RAPGEF2: variants seen among roughly 807,000 people sequenced by gnomAD.
The protein encoded by RAPGEF2 is Rap guanine nucleotide exchange factor 2.
Under a neutral mutation model 186.7 loss-of-function variants are expected in RAPGEF2, and 54 were observed. The observed-to-expected ratio is 0.29, with a 90% confidence interval of 0.23 to 0.36. RAPGEF2 has a LOEUF of 0.36. Among genes scored for constraint, RAPGEF2 ranks in the 10% least tolerant of loss-of-function variants. The pLI is 1.00. For missense variants in RAPGEF2, 1,532 were observed against 2,045.0 expected (o/e 0.75, Z 4.84); for synonymous variants, 712 against 705.9 (o/e 1.01, Z -0.14).
chr4:159,335,092 G>C (rs1234372300), intron 17 of RAPGEF2, among the ~76,000 whole-genome samples: 1 of 151,960 alleles, frequency 6.6e-6, no homozygotes, highest in Admixed American at 6.6e-5. Context: ...CTAGCAATTA[G>C]AGAAGTCTAG....
intron 1 of RAPGEF2, among the ~76,000 whole-genome samples, chr4:159,163,005 C>T (rs1479886190): frequency 6.6e-6 from 1 of 152,122 alleles, no homozygotes; most frequent in Non-Finnish European, 1.5e-5. Context: ...CACTCCGAAA[C>T]ACCTGTTCCA....
chr4:159,130,973 A>G (rs890182966), intron 1 of RAPGEF2, among the ~76,000 whole-genome samples: 1 of 152,176 alleles, frequency 6.6e-6, no homozygotes, highest in Non-Finnish European at 1.5e-5. Context: ...CTGGGATTAC[A>G]GGCGCAGCCA....
intron 1 of RAPGEF2, among the ~76,000 whole-genome samples, chr4:159,110,655 C>T (rs1019180866): frequency 6.6e-5 from 10 of 152,140 alleles, no homozygotes; most frequent in East Asian, 1.9e-4. Context: ...ATGTGATTTC[C>T]AAGCATTTCA....
At chr4:159,200,143 C>T (rs1269174942) in intron 3 of RAPGEF2, among the ~76,000 whole-genome samples, 1 of 152,036 alleles carries the variant, frequency 6.6e-6, no homozygotes, top group Non-Finnish European at 1.5e-5. Context: ...GTGTTTCACT[C>T]CTTCCTTTCA....
At chr4:159,271,029 C>A (rs1758060386) in intron 7 of RAPGEF2, among the ~76,000 whole-genome samples, 2 of 152,238 alleles carry the variant, frequency 1.3e-5, no homozygotes, top group South Asian at 4.1e-4. Context: ...TCAAAAGACT[C>A]CTGTAGACCA....
intron 7 of RAPGEF2, among the ~76,000 whole-genome samples, chr4:159,264,152 C>T (rs898960313): frequency 1.3e-5 from 2 of 151,898 alleles, no homozygotes; most frequent in East Asian, 1.9e-4. Context: ...CAGTGTTTGG[C>T]GTATTATAAC....
At position 159,228,758 on chromosome 4, in the gene RAPGEF2, G is replaced by T. The variant is rs80163107; in HGVS notation, c.282-10051G>T. 2.7e-3 allele frequency among the ~76,000 whole-genome samples: 417 copies of T among 152,300 alleles called. 1 individual carries two copies. The highest frequency in any genetic ancestry group is 9.5e-3 in the African/African-American group (395 of 41,560). ...TTATATATGTACTTGGTGTATGTGT[G>T]TGTGTGATTTTTAACATAGCTGTTA... On this transcript the variant is annotated intron_variant, in intron 4 of 29. Transcript: ENST00000691494.
chr4:159,159,092 G>A (rs1744427468), intron 1 of RAPGEF2, among the ~76,000 whole-genome samples: 1 of 152,182 alleles, frequency 6.6e-6, no homozygotes, highest in Non-Finnish European at 1.5e-5. Flanking sequence ...GCAATAAGTA[G>A]CAAAGTTAGG....
At chr4:159,148,154 T>C (rs1349296032) in intron 1 of RAPGEF2, among the ~76,000 whole-genome samples, 1 of 152,198 alleles carries the variant, frequency 6.6e-6, no homozygotes, top group African/African-American at 2.4e-5. Context: ...TCAAAAATTA[T>C]TACTGTTGCT....
chr4:159,122,821 G>C (rs1370349288), intron 1 of RAPGEF2, among the ~76,000 whole-genome samples: 1 of 152,164 alleles, frequency 6.6e-6, no homozygotes, highest in Non-Finnish European at 1.5e-5. Flanking sequence ...AGTGCCACTG[G>C]TGATGCTGGA....
intron 4 of RAPGEF2, among the ~76,000 whole-genome samples, chr4:159,212,883 C>T (rs1750660894): frequency 6.6e-6 from 1 of 152,180 alleles, no homozygotes; most frequent in Non-Finnish European, 1.5e-5. Flanking sequence ...CAAGTAACAG[C>T]TTGTTCTAAC....
chr4:159,343,229 A>C (rs1729798630), intron 21 of RAPGEF2, 39 bp downstream of exon 21: 1 of 1,613,928 alleles, frequency 6.2e-7, no homozygotes, highest in African/African-American at 1.3e-5. Context: ...TTGCTTGAAG[A>C]AGCACAGAAT....
intron 1 of RAPGEF2, among the ~76,000 whole-genome samples, chr4:159,184,736 CTTTAG>C (rs1747384650): frequency 6.6e-6 from 1 of 152,148 alleles, no homozygotes; most frequent in Non-Finnish European, 1.5e-5. Context: ...TGCAGAAGCT[CTTTAG>C]TTTAATTAGA....
At chr4:159,217,191 AT>A (rs955775872) in intron 4 of RAPGEF2, among the ~76,000 whole-genome samples, 21 of 151,918 alleles carry the variant, frequency 1.4e-4, no homozygotes, top group Non-Finnish European at 2.9e-5. Context: ...TTGATTTTAG[AT>A]TTAGGGGGTA....
At chr4:159,285,450 T>C (rs1760331179) in intron 7 of RAPGEF2, among the ~76,000 whole-genome samples, 1 of 152,204 alleles carries the variant, frequency 6.6e-6, no homozygotes, top group South Asian at 2.1e-4. Flanking sequence ...GAACAGAATT[T>C]ATTTACAAAG....
At chr4:159,161,981 T>C (rs1041011614) in intron 1 of RAPGEF2, among the ~76,000 whole-genome samples, 3 of 152,174 alleles carry the variant, frequency 2.0e-5, no homozygotes, top group Admixed American at 2.0e-4. Flanking sequence ...CATCATAACG[T>C]TCTGGAGAGA....
intron 6 of RAPGEF2, among the ~76,000 whole-genome samples, chr4:159,242,478 A>G (rs1754135227): frequency 6.6e-6 from 1 of 151,864 alleles, no homozygotes; most frequent in Non-Finnish European, 1.5e-5. Flanking sequence ...CACTTCATAT[A>G]TTCTATTTCT....
chr4:159,198,367 T>TTTC (rs1561075565), intron 3 of RAPGEF2, among the ~76,000 whole-genome samples: 3 of 123,412 alleles, frequency 2.4e-5, no homozygotes, highest in Admixed American at 8.4e-5. Context: ...TCCTTCCTTT[T>TTTC]TTTCTTTCTT....
At chr4:159,356,319 G>C (rs1732002288) in intron 29 of RAPGEF2, among the ~76,000 whole-genome samples, 161 bp downstream of exon 29, 1 of 152,056 alleles carries the variant, frequency 6.6e-6, no homozygotes, top group Non-Finnish European at 1.5e-5. Flanking sequence ...GGTTACAGCT[G>C]TTGACTGCTT....
Sources: gnomAD v4.1 joint callset for allele counts (sites outside exome capture counted in the v4.1 genomes callset) on GRCh38, gnomAD v4.1.1 for gene constraint, MANE v1.5 for transcripts, NCBI Gene and HGNC (gene_info 2026-07-23, HGNC 2026-07-21) for gene names.